DCX: variants seen among roughly 807,000 people sequenced by gnomAD.
DCX encodes the protein neuronal migration protein doublecortin.
Under a neutral mutation model 20.9 loss-of-function variants are expected in DCX, and 4 were observed. The observed-to-expected ratio is 0.19, with a 90% CI of 0.09 to 0.44. The LOEUF is 0.44. DCX is among the 20% of genes least tolerant of loss of function. DCX has a pLI of 0.99. For synonymous variants in DCX, 103 were observed against 111.4 expected, an observed-to-expected ratio of 0.92 and a Z score of 0.47; for missense variants, 133 against 296.9, an observed-to-expected ratio of 0.45 and a Z score of 4.06.
chrX:111,336,002 A>G (rs960361200), intron 3 of DCX, among the ~76,000 whole-genome samples: 5 of 112,034 alleles, frequency 4.5e-5, no homozygotes, highest in African/African-American at 1.6e-4. Context: ...ATTAGTTCAA[A>G]AAGAAATAGA....
chrX:111,379,099 T>C (rs1298887611), intron 3 of DCX, among the ~76,000 whole-genome samples: 1 of 112,351 alleles, frequency 8.9e-6, no homozygotes, highest in East Asian at 2.8e-4. Context: ...GGTAGTTCGT[T>C]ATAGCAGCAC....
rs759198260 is a variant in DCX at position 111,301,224 on chromosome X, C to A, written c.*463G>T. 195 of 142,200 alleles carry A rather than the reference C, an allele frequency of 1.4e-3. No homozygotes were observed. Among genetic ancestry groups the A allele is most frequent in the African/African-American group, 6.0e-3 (191 of 31,800 alleles). 11.7% of individuals were successfully genotyped at this position (142,200 alleles called of 1,213,427 possible). ...GCCTTGCTGTCCTTCCAGGGTCCTC[C>A]ACCATTCTTGAGATCCAGAGAAAAG... On this transcript the variant is annotated 3_prime_UTR_variant, in exon 7 of 7. Transcript: ENST00000636035.
chrX:111,390,204 T>C (rs757170600), intron 3 of DCX, among the ~76,000 whole-genome samples: 1 of 111,546 alleles, frequency 9.0e-6, no homozygotes, highest in East Asian at 2.9e-4. Flanking sequence ...CTGAAAACAT[T>C]TCTCAGCTGA....
intron 3 of DCX, among the ~76,000 whole-genome samples, chrX:111,357,167 G>A (rs1923798745): frequency 8.9e-6 from 1 of 111,885 alleles, no homozygotes; most frequent in South Asian, 3.7e-4. Flanking sequence ...TCATCAAGAT[G>A]GGTACAGTGG....
intron 3 of DCX, among the ~76,000 whole-genome samples, chrX:111,338,526 G>T (rs1037453474): frequency 1.8e-5 from 2 of 111,008 alleles, no homozygotes; most frequent in Non-Finnish European, 3.8e-5. Flanking sequence ...TCCAGTCAGA[G>T]GTTGACACAG....
At chrX:111,378,177 TA>T (rs1216413189) in intron 3 of DCX, among the ~76,000 whole-genome samples, 1 of 112,070 alleles carries the variant, frequency 8.9e-6, no homozygotes, top group Non-Finnish European at 1.9e-5. Context: ...ATAAAAGGTT[TA>T]ATGTAATTGA....
intron 3 of DCX, among the ~76,000 whole-genome samples, chrX:111,360,568 G>A (rs1301842939): frequency 9.0e-6 from 1 of 111,307 alleles, no homozygotes; most frequent in Admixed American, 9.6e-5. Context: ...TAATTTAATT[G>A]TACATTTAAA....
intron 3 of DCX, among the ~76,000 whole-genome samples, chrX:111,353,866 T>G (rs1442523473): frequency 1.8e-5 from 2 of 111,810 alleles, no homozygotes; most frequent in Non-Finnish European, 3.8e-5. Context: ...ATTCTCTTCT[T>G]GCATCTGACC....
At chrX:111,352,837 C>CAGAGAGAGAGAGAGAGAGAG in intron 3 of DCX, among the ~76,000 whole-genome samples, 1 of 90,153 alleles carries the variant, frequency 1.1e-5, no homozygotes, top group East Asian at 3.5e-4. Context: ...GACAGACAGA[C>CAGAGAGAGAGAGAGAGAGAG]AGAGAGAGAG....
chrX:111,357,992 TA>T (rs1230392858), intron 3 of DCX, among the ~76,000 whole-genome samples: 1 of 109,719 alleles, frequency 9.1e-6, no homozygotes, highest in East Asian at 2.9e-4. Flanking sequence ...CACGCCCGGC[TA>T]ATTGTTGTAT....
intron 3 of DCX, among the ~76,000 whole-genome samples, chrX:111,398,135 T>A (rs986113348): frequency 9.1e-6 from 1 of 110,281 alleles, no homozygotes; most frequent in African/African-American, 3.3e-5. Context: ...GACTTCCAAG[T>A]AAACCACCAG....
chrX:111,391,653 C>A (rs760712286), intron 3 of DCX, among the ~76,000 whole-genome samples: 3 of 110,595 alleles, frequency 2.7e-5, no homozygotes, highest in African/African-American at 3.3e-5. Flanking sequence ...TGGCCTATAC[C>A]AACTAGATGT....
intron 6 of DCX, among the ~76,000 whole-genome samples, chrX:111,303,760 AG>A (rs2095039131): frequency 8.9e-6 from 1 of 111,956 alleles, no homozygotes; most frequent in East Asian, 2.8e-4. Context: ...AACAAAACAA[AG>A]GCAACTACAG....
At chrX:111,398,593 A>G (rs1927527501) in intron 3 of DCX, among the ~76,000 whole-genome samples, 1 of 111,575 alleles carries the variant, frequency 9.0e-6, no homozygotes, top group Admixed American at 9.5e-5. Flanking sequence ...GTATTTTGTA[A>G]TATGTCCCCC....
At chrX:111,385,803 A>G (rs781053856) in intron 3 of DCX, among the ~76,000 whole-genome samples, 2 of 94,253 alleles carry the variant, frequency 2.1e-5, no homozygotes, top group African/African-American at 8.2e-5. Context: ...GAAGGAAGGA[A>G]GGAAGGAAGG....
intron 3 of DCX, among the ~76,000 whole-genome samples, chrX:111,369,596 T>C (rs1390491704): frequency 1.8e-5 from 2 of 111,932 alleles, no homozygotes; most frequent in East Asian, 5.6e-4. Flanking sequence ...TCAGGTACCA[T>C]GACAGGGAAC....
At chrX:111,311,541 T>C (rs1439596254) in intron 6 of DCX, among the ~76,000 whole-genome samples, 1 of 111,821 alleles carries the variant, frequency 8.9e-6, no homozygotes, top group East Asian at 2.8e-4. Flanking sequence ...AAACGTGATG[T>C]CACTCAATAC....
chrX:111,340,136 G>A (rs1922090850), intron 3 of DCX, among the ~76,000 whole-genome samples: 1 of 112,537 alleles, frequency 8.9e-6, no homozygotes, highest in Non-Finnish European at 1.9e-5. Context: ...CCCTGGGTCG[G>A]GGAAGGGCAG....
At chrX:111,382,920 T>C (rs759948375) in intron 3 of DCX, among the ~76,000 whole-genome samples, 1 of 111,033 alleles carries the variant, frequency 9.0e-6, no homozygotes, top group African/African-American at 3.3e-5. Flanking sequence ...AATATGGAGC[T>C]AAATAGGGGA....
Sources: allele counts gnomAD v4.1 joint callset (sites outside exome capture counted in the v4.1 genomes callset), GRCh38; gene constraint gnomAD v4.1.1; transcripts MANE v1.5; gene names NCBI Gene and HGNC (gene_info 2026-07-23, HGNC 2026-07-21).